The following MGLL variants were observed in gnomAD, a reference collection of about 807,000 sequenced individuals.
The protein encoded by MGLL is lysophospholipase homolog.
MGLL carries 7 observed loss-of-function variants against 29.1 expected under a neutral mutation model. The ratio of observed to expected loss-of-function variants is 0.24; its 90% CI spans 0.14 to 0.45. MGLL has a LOEUF of 0.45. Ranked by LOEUF, MGLL falls within the 20% of genes least tolerant of loss-of-function variation. The pLI, the probability that MGLL is intolerant of heterozygous loss-of-function variation, is 0.99. For missense variants in MGLL, 356 were observed against 413.6 expected, an observed-to-expected ratio of 0.86 and a Z score of 1.21; for synonymous variants, 148 against 168.3, an observed-to-expected ratio of 0.88 and a Z score of 0.93.
At chr3:127,813,038 A>G (rs1019063645) in intron 2 of MGLL, among the ~76,000 whole-genome samples, 1 of 152,180 alleles carries the variant, frequency 6.6e-6, no homozygotes, top group African/African-American at 2.4e-5. Context: ...TTCCTAACTA[A>G]AGGTTTTTAA....
intron 2 of MGLL, among the ~76,000 whole-genome samples, chr3:127,788,419 T>G (rs2077248389): frequency 6.6e-6 from 1 of 152,210 alleles, no homozygotes; most frequent in South Asian, 2.1e-4. Context: ...GAATTTTAAC[T>G]CAGCCAGGCT....
chr3:127,694,413 A>ATG (rs1053828181), intron 7 of MGLL, among the ~76,000 whole-genome samples: 4 of 148,774 alleles, frequency 2.7e-5, no homozygotes, highest in East Asian at 2.0e-4. Flanking sequence ...GTGTATATAT[A>ATG]TGTGTGTGTG....
At chr3:127,795,304 T>C (rs1422186630) in intron 2 of MGLL, among the ~76,000 whole-genome samples, 1 of 151,496 alleles carries the variant, frequency 6.6e-6, no homozygotes, top group Non-Finnish European at 1.5e-5. Context: ...AAACCAAACA[T>C]GGTGGGGTTT....
chr3:127,790,171 T>C (rs1182524608), intron 2 of MGLL, among the ~76,000 whole-genome samples: 1 of 152,208 alleles, frequency 6.6e-6, no homozygotes, highest in Non-Finnish European at 1.5e-5. Flanking sequence ...TCAATCACTC[T>C]ATGTCTCAGT....
chr3:127,730,160 T>G (rs1000676321), intron 3 of MGLL, among the ~76,000 whole-genome samples: 19 of 152,310 alleles, frequency 1.2e-4, no homozygotes, highest in African/African-American at 4.6e-4. Context: ...GTCTCCTTCT[T>G]TGCATGTTAT....
At position 127,689,230 on chromosome 3, in the gene MGLL, A is replaced by G. The variant is rs2075202671; in HGVS notation, c.*2968T>C. ...TGGCTTGTGAAGCCATCGTGATCCCAACAAGGTCTATGTTAGCAATTGGTG... is the reference window on the plus strand; with the variant it reads ...TGGCTTGTGAAGCCATCGTGATCCCGACAAGGTCTATGTTAGCAATTGGTG... On this transcript the variant is annotated 3_prime_UTR_variant, in exon 8 of 8. Transcript: ENST00000265052. The G allele has an allele frequency of 6.6e-6, 1 of 152,222 alleles. No homozygotes were observed. Among genetic ancestry groups the G allele is most frequent in the East Asian group, 1.9e-4 (1 of 5,198 alleles). 9.4% of individuals were successfully genotyped at this position (152,222 alleles called of 1,614,324 possible).
chr3:127,749,876 G>C (rs948339853), intron 3 of MGLL, among the ~76,000 whole-genome samples: 2 of 152,194 alleles, frequency 1.3e-5, no homozygotes, highest in African/African-American at 4.8e-5. Flanking sequence ...AGGTGACAGA[G>C]CAAGCCATTC....
intron 6 of MGLL, 32 bp downstream of exon 6, chr3:127,710,544 A>T (rs2075689964): frequency 1.9e-5 from 29 of 1,507,214 alleles, no homozygotes; most frequent in Non-Finnish European, 2.6e-5. Flanking sequence ...CAGCCACCCA[A>T]GCTACCCCTG....
chr3:127,739,721 G>T (rs945360396), intron 3 of MGLL, among the ~76,000 whole-genome samples: 5 of 152,230 alleles, frequency 3.3e-5, no homozygotes, highest in Non-Finnish European at 7.3e-5. Flanking sequence ...GCAGGCCTGA[G>T]ATTTCATTCA....
chr3:127,717,242 C>A (rs1424264830), intron 5 of MGLL, among the ~76,000 whole-genome samples: 2 of 152,160 alleles, frequency 1.3e-5, no homozygotes, highest in Non-Finnish European at 2.9e-5. Context: ...CCTGCAATCT[C>A]CCACTGCCCC....
chr3:127,702,986 C>T (rs976809320), intron 6 of MGLL, among the ~76,000 whole-genome samples: 1 of 152,172 alleles, frequency 6.6e-6, no homozygotes, highest in Non-Finnish European at 1.5e-5. Context: ...TGAGCCACCG[C>T]GTCCATCCAG....
chr3:127,770,471 T>C (rs2076930608), intron 3 of MGLL, among the ~76,000 whole-genome samples: 3 of 152,112 alleles, frequency 2.0e-5, no homozygotes, highest in Admixed American at 1.3e-4. Context: ...CCACAGCCCC[T>C]TGGAGGATAT....
At chr3:127,738,182 T>A (rs2076277166) in intron 3 of MGLL, among the ~76,000 whole-genome samples, 1 of 151,824 alleles carries the variant, frequency 6.6e-6, no homozygotes. Context: ...ATGCCTGTAG[T>A]TCCAGCTATT....
Position 127,691,817 on chromosome 3 carries a change from C to A in MGLL, c.*381G>T. ...CGCTGGGGCGTGAGCGAAGGGTGGG[C>A]AGGAAGGAGGCGCCTCCAGTTATTG... On this transcript the variant is annotated 3_prime_UTR_variant, in exon 8 of 8. Coordinates refer to ENST00000265052, the MANE Select transcript of MGLL (RefSeq NM_007283.7). The A allele has an allele frequency of 3.5e-6, 1 of 286,588 alleles. No individual in the cohort carries two copies. Among genetic ancestry groups the A allele is most frequent in the Non-Finnish European group, 6.8e-6 (1 of 148,010 alleles). 17.8% of individuals were successfully genotyped at this position (286,588 alleles called of 1,614,324 possible).
At chr3:127,735,807 T>G (rs370472606) in intron 3 of MGLL, 490 of 1,598,392 alleles carry the variant, frequency 3.1e-4, no homozygotes, top group Non-Finnish European at 4.1e-4. Context: ...TCTGGCATTC[T>G]CTTGGTGCTC....
At chr3:127,746,428 C>T in intron 3 of MGLL, among the ~76,000 whole-genome samples, 1 of 152,124 alleles carries the variant, frequency 6.6e-6, no homozygotes, top group South Asian at 2.1e-4. Context: ...ATTCACCCTG[C>T]CACGATCTTC....
At chr3:127,721,708 C>T (rs752360680) in intron 4 of MGLL, among the ~76,000 whole-genome samples, 7 of 152,170 alleles carry the variant, frequency 4.6e-5, no homozygotes, top group East Asian at 1.9e-4. Flanking sequence ...GGGTTGCAAC[C>T]GCAAATGCTC....
chr3:127,808,542 C>T (rs2077608170), intron 2 of MGLL, among the ~76,000 whole-genome samples: 1 of 152,194 alleles, frequency 6.6e-6, no homozygotes, highest in African/African-American at 2.4e-5. Flanking sequence ...ATAGGCTAAA[C>T]TTGTTGCAAG....
At chr3:127,751,931 G>T (rs923949551) in intron 3 of MGLL, among the ~76,000 whole-genome samples, 2 of 152,136 alleles carry the variant, frequency 1.3e-5, no homozygotes, top group African/African-American at 4.8e-5. Flanking sequence ...GAAAAGCCGT[G>T]AATGATGCTT....
Sources: allele counts gnomAD v4.1 joint callset (sites outside exome capture counted in the v4.1 genomes callset), GRCh38; gene constraint gnomAD v4.1.1; transcripts MANE v1.5; gene names NCBI Gene and HGNC (gene_info 2026-07-23, HGNC 2026-07-21).